Variants in DLC1 observed in about 807,000 individuals in gnomAD.
The protein encoded by DLC1 is rho GTPase-activating protein 7.
Under a neutral mutation model 140.3 loss-of-function variants are expected in DLC1, and 54 were observed. That is an observed-to-expected ratio of 0.38 (90% CI 0.31 to 0.48). DLC1 has a LOEUF of 0.48. DLC1 is among the 20% of genes least tolerant of loss of function. The pLI, the probability that DLC1 is intolerant of heterozygous loss-of-function variation, is 0.96. For synonymous variants in DLC1, 986 were observed against 728.1 expected (o/e 1.35, Z -5.70); for missense variants, 2,536 against 1,907.0 (o/e 1.33, Z -6.14).
chr8:13,576,220 C>G (rs922458680), intron 1 of DLC1, among the ~76,000 whole-genome samples: 4 of 152,152 alleles, frequency 2.6e-5, no homozygotes, highest in African/African-American at 9.7e-5. Context: ...CATTGCTGTT[C>G]ATTCATTAAA....
intron 5 of DLC1, among the ~76,000 whole-genome samples, chr8:13,180,956 A>G (rs1457544993): frequency 6.6e-6 from 1 of 152,062 alleles, no homozygotes; most frequent in Non-Finnish European, 1.5e-5. Context: ...TTCACTATTT[A>G]GCGCTTGACA....
chr8:13,507,884 G>A (rs1585222495), intron 1 of DLC1, among the ~76,000 whole-genome samples: 1 of 152,128 alleles, frequency 6.6e-6, no homozygotes, highest in South Asian at 2.1e-4. Context: ...ATCAGGTTTA[G>A]TCTTTAGAAG....
intron 1 of DLC1, among the ~76,000 whole-genome samples, chr8:13,591,336 A>T (rs945852293): frequency 2.0e-5 from 3 of 152,094 alleles, no homozygotes; most frequent in African/African-American, 7.2e-5. Context: ...TAATTAAATC[A>T]TGGGGGCAGT....
At chr8:13,450,307 T>C (rs1016995069) in intron 2 of DLC1, among the ~76,000 whole-genome samples, 3 of 151,356 alleles carry the variant, frequency 2.0e-5, no homozygotes, top group African/African-American at 7.3e-5. Context: ...ATATAAAAAT[T>C]AGCTGGGCAT....
chr8:13,506,157 G>C (rs892952399), intron 1 of DLC1, among the ~76,000 whole-genome samples: 3 of 151,564 alleles, frequency 2.0e-5, no homozygotes, highest in African/African-American at 7.3e-5. Context: ...ATATATATAT[G>C]TGTGTATACA....
intron 4 of DLC1, among the ~76,000 whole-genome samples, chr8:13,328,320 G>C (rs1013229076): frequency 2.0e-5 from 3 of 152,154 alleles, no homozygotes; most frequent in African/African-American, 7.2e-5. Context: ...TGGGCTGCTA[G>C]TGATGAATAT....
At chr8:13,490,504 T>A (rs1273922144) in intron 2 of DLC1, among the ~76,000 whole-genome samples, 2 of 152,194 alleles carry the variant, frequency 1.3e-5, no homozygotes, top group South Asian at 2.1e-4. Context: ...TTGGCACCAC[T>A]GTGTCTGGTA....
At chr8:13,349,218 C>T (rs567928847) in intron 4 of DLC1, among the ~76,000 whole-genome samples, 18 of 152,016 alleles carry the variant, frequency 1.2e-4, no homozygotes, top group South Asian at 6.2e-4. Flanking sequence ...GGTTGTTGCA[C>T]GAGTCCCTAG....
chr8:13,477,285 G>T (rs1380746194), intron 2 of DLC1, among the ~76,000 whole-genome samples: 2 of 152,174 alleles, frequency 1.3e-5, no homozygotes, highest in Admixed American at 6.5e-5. Flanking sequence ...CAGCGTGGAA[G>T]ATGTAGCTTT....
chr8:13,094,009 A>G (rs1273486758), intron 12 of DLC1, among the ~76,000 whole-genome samples: 3 of 152,218 alleles, frequency 2.0e-5, no homozygotes, highest in Admixed American at 2.0e-4. Flanking sequence ...ACAGAAAAAG[A>G]TTATTTATTC....
At chr8:13,489,449 A>ACACACACACACACACACAC (rs56002951) in intron 2 of DLC1, among the ~76,000 whole-genome samples, 4 of 149,908 alleles carry the variant, frequency 2.7e-5, no homozygotes, top group African/African-American at 4.9e-5. Context: ...ACACACACAC[A>ACACACACACACACACACAC]AAATGTTGCT....
In DLC1 at chr8:13,085,741, T is replaced by A. The variant is rs570986384; in HGVS notation, c.*70A>T. 2 of 1,603,426 alleles carry A rather than the reference T, an allele frequency of 1.2e-6. No individual in the cohort carries two copies. Among genetic ancestry groups the A allele is most frequent in the East Asian group, 2.2e-5 (1 of 44,728 alleles). ...TTTCAGGATTAGACACAGAACCCAT[T>A]CTTCAAGGACTGGCAAAAGTTCTAG... On this transcript the variant is annotated 3_prime_UTR_variant, in exon 18 of 18. Coordinates refer to ENST00000276297, the MANE Select transcript of DLC1 (RefSeq NM_182643.3).
At position 13,189,276 on chromosome 8, in the gene DLC1, A is replaced by G. The variant is rs574117648; in HGVS notation, c.1349-73619T>C. Among the ~76,000 whole-genome samples, 9 of 152,278 alleles carry G rather than the reference A, an allele frequency of 5.9e-5. No homozygotes were observed. The East Asian group carries it at 1.7e-3, about 29-fold the overall frequency. On this transcript the variant is annotated intron_variant, in intron 5 of 17. Transcript: ENST00000276297. ...ATGAACCATTTGTTTTAAACTCTAA[A>G]TATTCTCCTCTTTGCACCAATACAA...
intron 1 of DLC1, among the ~76,000 whole-genome samples, chr8:13,595,489 G>T (rs1805652810): frequency 6.6e-6 from 1 of 151,986 alleles, no homozygotes; most frequent in Non-Finnish European, 1.5e-5. Context: ...CCCCACATGT[G>T]TTGCTTTGAA....
chr8:13,444,612 A>G (rs1798694629), intron 2 of DLC1, among the ~76,000 whole-genome samples: 1 of 152,198 alleles, frequency 6.6e-6, no homozygotes, highest in Non-Finnish European at 1.5e-5. Flanking sequence ...TGAGACCAAA[A>G]TAATATTGAA....
At chr8:13,093,853 A>T (rs1184150605) in intron 12 of DLC1, among the ~76,000 whole-genome samples, 3 of 152,242 alleles carry the variant, frequency 2.0e-5, no homozygotes, top group Non-Finnish European at 2.9e-5. Flanking sequence ...TACCACACTG[A>T]GCCAAGAAAA....
At chr8:13,200,313 C>T (rs751990518) in intron 5 of DLC1, among the ~76,000 whole-genome samples, 2 of 152,016 alleles carry the variant, frequency 1.3e-5, no homozygotes, top group African/African-American at 4.8e-5. Flanking sequence ...CTGCCCGCCT[C>T]GGCCTCCCAA....
chr8:13,405,584 C>T (rs1013617487), intron 2 of DLC1, among the ~76,000 whole-genome samples: 1 of 152,114 alleles, frequency 6.6e-6, no homozygotes, highest in African/African-American at 2.4e-5. Flanking sequence ...CACTCCCCTT[C>T]CTGTTAGCTT....
At chr8:13,504,604 T>C (rs1030276948) in intron 1 of DLC1, among the ~76,000 whole-genome samples, 4 of 152,076 alleles carry the variant, frequency 2.6e-5, no homozygotes, top group Non-Finnish European at 4.4e-5. Flanking sequence ...GGTAAGCAAA[T>C]GGTTCTAAAT....
Sources: allele counts gnomAD v4.1 joint callset (sites outside exome capture counted in the v4.1 genomes callset), GRCh38; gene constraint gnomAD v4.1.1; transcripts MANE v1.5; gene names NCBI Gene and HGNC (gene_info 2026-07-23, HGNC 2026-07-21).